The following NIPAL3 variants were observed in gnomAD, a reference collection of about 807,000 sequenced individuals.
NIPAL3 encodes NIPA like domain containing 3.
In NIPAL3, 41 loss-of-function variants were observed where a neutral mutation model predicts 47.2. The observed-to-expected ratio is 0.87, with a 90% CI of 0.68 to 1.13. The LOEUF (loss-of-function observed/expected upper bound fraction) is 1.13. NIPAL3 is among the 50% of genes most tolerant of loss of function. The pLI, the probability that NIPAL3 is intolerant of heterozygous loss-of-function variation, is 0.00. For synonymous variants in NIPAL3, 194 were observed against 209.6 expected (o/e 0.93, Z 0.64); for missense variants, 449 against 530.1 (o/e 0.85, Z 1.50).
chr1:24,457,657 G>A (rs948892774), intron 8 of NIPAL3: 3 of 481,620 alleles, frequency 6.2e-6, no homozygotes, highest in South Asian at 1.6e-5. Context: ...AGAAAGTGGC[G>A]GAGCTGAGAT....
At chr1:24,436,497 T>C (rs192252659) in intron 2 of NIPAL3, among the ~76,000 whole-genome samples, 373 of 152,142 alleles carry the variant, frequency 2.5e-3, no homozygotes, top group Non-Finnish European at 4.0e-3. Context: ...TTTGTCTTTT[T>C]TTTTTTTTGA....
intron 5 of NIPAL3, among the ~76,000 whole-genome samples, chr1:24,448,833 T>C (rs1229718251): frequency 6.6e-6 from 1 of 152,168 alleles, no homozygotes; most frequent in African/African-American, 2.4e-5. Flanking sequence ...CATACATGTG[T>C]TTCTCAAATG....
Position 24,416,524 on chromosome 1 carries a change from G to C in NIPAL3, c.-258+620G>C, listed in dbSNP as rs1239364609. The C allele has an allele frequency of 5.9e-6, 1 of 169,308 alleles. No homozygotes were observed. Among genetic ancestry groups the C allele is most frequent in the Admixed American group, 6.5e-5 (1 of 15,298 alleles). 10.5% of individuals were successfully genotyped at this position (169,308 alleles called of 1,614,324 possible). On this transcript the variant is annotated intron_variant, in intron 1 of 11. Coordinates refer to ENST00000374399, the MANE Select transcript of NIPAL3 (RefSeq NM_020448.5). The surrounding 1 kb of genome is among the most constrained non-coding windows in gnomAD (Gnocchi z 4.8). ...TTTGTAAAACGTGCTCTGTGGGATT[G>C]GTGAAATCCGTCATCGAGATAAACG...
At chr1:24,465,960 G>T (rs1180211657) in intron 11 of NIPAL3, 19 of 1,574,370 alleles carry the variant, frequency 1.2e-5, no homozygotes, top group Non-Finnish European at 1.6e-5. Flanking sequence ...CCAGCCACTT[G>T]GTTTCCCTGG....
At chr1:24,430,588 A>G (rs1223506992) in intron 2 of NIPAL3, among the ~76,000 whole-genome samples, 3 of 152,222 alleles carry the variant, frequency 2.0e-5, no homozygotes, top group African/African-American at 7.2e-5. Flanking sequence ...TCCAAGTTAC[A>G]TGCTAAAAGT....
At chr1:24,417,748 A>C in intron 1 of NIPAL3, among the ~76,000 whole-genome samples, 1 of 152,360 alleles carries the variant, frequency 6.6e-6, no homozygotes, top group East Asian at 1.9e-4. Flanking sequence ...AGGACTGGAC[A>C]TGGTGTTCCC....
intron 11 of NIPAL3, among the ~76,000 whole-genome samples, chr1:24,467,410 C>CAGTG (rs1174560943): frequency 6.6e-6 from 1 of 152,094 alleles, no homozygotes; most frequent in Non-Finnish European, 1.5e-5. Flanking sequence ...GTGGAGCTTG[C>CAGTG]AGTGAGCTGA....
intron 2 of NIPAL3, among the ~76,000 whole-genome samples, chr1:24,425,843 C>T (rs965085474): frequency 1.3e-5 from 2 of 152,152 alleles, no homozygotes; most frequent in Non-Finnish European, 1.5e-5. Context: ...CTTCTGCCTT[C>T]GGAAATCCTA....
intron 2 of NIPAL3, among the ~76,000 whole-genome samples, chr1:24,428,299 A>C (rs34745558): frequency 0.12 from 18,022 of 145,072 alleles, 1,206 homozygotes; most frequent in African/African-American, 0.16. Context: ...AGAGAGAGAG[A>C]GAGACACCAG....
rs1218762585 is a variant in NIPAL3, at chr1:24,456,120, C to T, written c.638-18C>T. The T allele has an allele frequency of 2.7e-5, 44 of 1,614,034 alleles. No individual in the cohort carries two copies. Among genetic ancestry groups the T allele is most frequent in the Non-Finnish European group, 3.6e-5 (43 of 1,179,916 alleles). ...ATTTCCCTGAGGCTCCCCATTCGCCCTTGTCTCCCATCTGCAGGCTCCATG... is the reference window on the plus strand; with the variant it reads ...ATTTCCCTGAGGCTCCCCATTCGCCTTTGTCTCCCATCTGCAGGCTCCATG... On this transcript the variant is annotated intron_variant, in intron 7 of 11. Coordinates refer to ENST00000374399, the MANE Select transcript of NIPAL3 (RefSeq NM_020448.5).
At chr1:24,447,962 C>CT (rs1645750702) in intron 5 of NIPAL3, among the ~76,000 whole-genome samples, 1 of 152,258 alleles carries the variant, frequency 6.6e-6, no homozygotes, top group African/African-American at 2.4e-5. Flanking sequence ...TCACTCAGTG[C>CT]TAGACCTGTG....
chr1:24,465,975 C>A (rs1232797780), intron 11 of NIPAL3: 17 of 1,600,346 alleles, frequency 1.1e-5, no homozygotes, highest in Non-Finnish European at 1.4e-5. Flanking sequence ...CCCTGGTCAG[C>A]ATTAGGATCT....
Position 24,449,357 on chromosome 1 carries a change from A to C in NIPAL3, c.395-124A>C, listed in dbSNP as rs1205102005. 1.0e-6 allele frequency: 1 copy of C among 1,004,760 alleles called. No homozygotes were observed. The highest frequency in any genetic ancestry group is 1.4e-6 in the Non-Finnish European group (1 of 727,416). 62.2% of individuals were successfully genotyped at this position (1,004,760 alleles called of 1,614,324 possible). On this transcript the variant is annotated intron_variant, in intron 5 of 11. Coordinates refer to ENST00000374399, the MANE Select transcript of NIPAL3 (RefSeq NM_020448.5). The surrounding 1 kb of genome is among the most constrained non-coding windows in gnomAD (Gnocchi z 4.5). The stretch of plus-strand genomic sequence containing the variant: ...ATTTTTTAAAGTAAAGAAAAACCAA[A>C]AATACAAACAATACCAGGTCATGGT...
chr1:24,468,181 G>A (rs1646778550), intron 11 of NIPAL3, among the ~76,000 whole-genome samples: 2 of 152,138 alleles, frequency 1.3e-5, no homozygotes, highest in Middle Eastern at 3.4e-3. Context: ...CAGGCATGGT[G>A]GCATGCACCT....
rs756047164 is a variant in NIPAL3 at position 24,464,074 on chromosome 1, G to A, written c.975G>A (p.Lys325=). ...TCTTCTTAATCACGCGTAACAGGAA[G>A]AAGCCCATTCCATTTGAGCCCTATA... ...LGVFLITRNR[K]KPIPFEPYIS... Residue 325 remains lysine (K), a synonymous_variant, in exon 11 of 12, where the codon AAG becomes AAA. Coordinates refer to ENST00000374399, the MANE Select transcript of NIPAL3 (RefSeq NM_020448.5). 1 of 1,613,432 alleles carries A rather than the reference G, an allele frequency of 6.2e-7. No individual in the cohort carries two copies.
chr1:24,428,290 GAGA>G (rs1557491598), intron 2 of NIPAL3, among the ~76,000 whole-genome samples: 13 of 151,108 alleles, frequency 8.6e-5, no homozygotes, highest in African/African-American at 2.9e-4. Flanking sequence ...GAGAGAGAGA[GAGA>G]GAGAGAGAGA....
intron 5 of NIPAL3, among the ~76,000 whole-genome samples, chr1:24,446,068 T>TGTGTG (rs767193180): frequency 2.5e-5 from 1 of 40,740 alleles, no homozygotes; most frequent in Non-Finnish European, 5.4e-5. Flanking sequence ...GAGATTATAG[T>TGTGTG]CGTGTGTGTG....
At position 24,464,132 on chromosome 1, in the gene NIPAL3, GC is replaced by G. The variant is rs1213564838; in HGVS notation, c.1021+16del. The G allele has an allele frequency of 4.4e-6, 7 of 1,606,830 alleles. No homozygotes were observed. The highest frequency in any genetic ancestry group is 6.0e-6 in the Non-Finnish European group (7 of 1,174,276). ...GGATGCCATGCCAGGTAAGGTTAAA[GC>G]CCCGTGGGTCTAGCTGAACATCCAT... On this transcript the variant is annotated intron_variant, in intron 11 of 11. Coordinates refer to ENST00000374399, the MANE Select transcript of NIPAL3 (RefSeq NM_020448.5).
Position 24,469,289 on chromosome 1 carries a change from A to C in NIPAL3, c.*104A>C. On this transcript the variant is annotated 3_prime_UTR_variant, in exon 12 of 12. Transcript: ENST00000374399. Reference sequence around the variant, plus strand: ...AGTCTCATTTTGTTTCTAACTGAGAACTCTATGGATGATGATCTCAAAAAG... The same window carrying C: ...AGTCTCATTTTGTTTCTAACTGAGACCTCTATGGATGATGATCTCAAAAAG... 2 of 903,860 alleles carry C rather than the reference A, an allele frequency of 2.2e-6. No homozygotes were observed. Among genetic ancestry groups the C allele is most frequent in the Non-Finnish European group, 3.3e-6 (2 of 609,630 alleles). The allele number at this position is 903,860 out of a possible 1,614,324, so 56.0% of individuals were successfully genotyped here. A position where few individuals can be genotyped will look rare whatever the true frequency, so the allele number is the denominator to read the frequency against.
Sources: allele counts gnomAD v4.1 joint callset (sites outside exome capture counted in the v4.1 genomes callset), GRCh38; gene constraint gnomAD v4.1.1; non-coding constraint Gnocchi (gnomAD v3.1); transcripts MANE v1.5; gene names NCBI Gene and HGNC (gene_info 2026-07-23, HGNC 2026-07-21).